The following SLC17A7 variants were observed in gnomAD, a reference collection of about 807,000 sequenced individuals.
The protein encoded by SLC17A7 is solute carrier family 17 member 7, also known as vesicular glutamate transporter 1.
In SLC17A7, 15 loss-of-function variants were observed where a neutral mutation model predicts 59.1. That is an observed-to-expected ratio of 0.25 (90% CI 0.17 to 0.39). SLC17A7 has a LOEUF of 0.39. Among genes scored for constraint, SLC17A7 ranks in the 10% least tolerant of loss-of-function variants. The pLI, the probability that SLC17A7 is intolerant of heterozygous loss-of-function variation, is 1.00. For missense variants in SLC17A7, 499 were observed against 765.1 expected (o/e 0.65, Z 4.10); for synonymous variants, 353 against 308.9 (o/e 1.14, Z -1.50).
Position 49,436,460 on chromosome 19 carries a change from C to G in SLC17A7, c.315+89G>C, listed in dbSNP as rs2078979859. 3 of 1,520,504 alleles carry G rather than the reference C, an allele frequency of 2.0e-6. No individual in the cohort carries two copies. Among genetic ancestry groups the G allele is most frequent in the Non-Finnish European group, 2.7e-6 (3 of 1,124,636 alleles). 94.2% of individuals were successfully genotyped at this position (1,520,504 alleles called of 1,614,324 possible). Reference sequence around the variant, plus strand: ...CGTTTCGGAAGGGGCGTGGCCTGGACGTCTGGTGGGTGAGTGTGACGTCAT... The same window carrying G: ...CGTTTCGGAAGGGGCGTGGCCTGGAGGTCTGGTGGGTGAGTGTGACGTCAT... On this transcript the variant is annotated intron_variant, in intron 2 of 11. Transcript: ENST00000221485. This position sits in a 1 kb window ranked among gnomAD's most constrained non-coding sequence, Gnocchi z 4.1.
intron 1 of SLC17A7, among the ~76,000 whole-genome samples, chr19:49,439,175 C>T (rs1320301): frequency 0.23 from 34,665 of 151,998 alleles, 4,389 homozygotes; most frequent in Non-Finnish European, 0.28. Context: ...CTCTGTCTCT[C>T]CCTCTCTCTC....
chr19:49,434,485 C>G (rs1422361485), intron 5 of SLC17A7, 117 bp downstream of exon 5: 1 of 1,009,034 alleles, frequency 9.9e-7, no homozygotes, highest in Non-Finnish European at 1.4e-6. Context: ...GAGTCTCCTC[C>G]TCCTCCCTCA....
Position 49,431,033 on chromosome 19 carries a change from C to G in SLC17A7, c.1371G>C (p.Gly457=), listed in dbSNP as rs776117731. 14 of 1,612,026 alleles carry G rather than the reference C, an allele frequency of 8.7e-6. No homozygotes were observed. Among genetic ancestry groups the G allele is most frequent in the Non-Finnish European group, 1.1e-5 (13 of 1,179,264 alleles). The change falls in exon 11 of 12, where the codon GGG becomes GGC. Residue 457 remains glycine, a synonymous_variant. Coordinates refer to ENST00000221485, the MANE Select transcript of SLC17A7 (RefSeq NM_020309.4). This position sits in a 1 kb window ranked among gnomAD's most constrained non-coding sequence, Gnocchi z 4.6. ...LSGMVCPIIV[G]AMTKHKTREE... is the part of the protein sequence containing the mutation. The stretch of plus-strand genomic sequence containing the variant: ...CACCCACCTTGTGCTTAGTCATGGC[C>G]CCCACGATGATGGGGCACACCATGC...
rs796067783 is a variant in SLC17A7, at chr19:49,436,337, C to A, written c.315+212G>T. On this transcript the variant is annotated intron_variant, in intron 2 of 11. Transcript: ENST00000221485. This position sits in a 1 kb window ranked among gnomAD's most constrained non-coding sequence, Gnocchi z 4.1. Reference sequence around the variant, plus strand: ...CAAGCCCCTGGAAATAAGGGCGGGACTTCATTTAGATCAGGACGGGGCTTA... The same window carrying A: ...CAAGCCCCTGGAAATAAGGGCGGGAATTCATTTAGATCAGGACGGGGCTTA... Among the ~76,000 whole-genome samples the A allele has an allele frequency of 1.3e-5, 2 of 152,134 alleles. No homozygotes were observed. The highest frequency in any genetic ancestry group is 4.8e-5 in the African/African-American group (2 of 41,402).
chr19:49,440,005 G>A (rs966419677), intron 1 of SLC17A7, among the ~76,000 whole-genome samples: 2 of 152,166 alleles, frequency 1.3e-5, no homozygotes, highest in African/African-American at 4.8e-5. Context: ...GAGAAAAAGG[G>A]TGGGGAGGGG....
chr19:49,432,058 A>C (rs1475338664), intron 9 of SLC17A7, among the ~76,000 whole-genome samples: 1 of 152,094 alleles, frequency 6.6e-6, no homozygotes, highest in Non-Finnish European at 1.5e-5. Flanking sequence ...TCTGGGCTCC[A>C]GCGATCCTCC....
chr19:49,432,450 AT>A, intron 9 of SLC17A7, 68 bp downstream of exon 9: 1 of 1,544,972 alleles, frequency 6.5e-7, no homozygotes, highest in Non-Finnish European at 8.8e-7. Context: ...ACCACTCCCC[AT>A]CACCTCTCAA....
At position 49,429,798 on chromosome 19, in the gene SLC17A7, C is replaced by G. The variant is rs553232067; in HGVS notation, c.*721G>C. ...AGCAGCCACTATTTAGACCTGAAAA[C>G]CATGTCAGAAAAAGTGCACGGGGGT... On this transcript the variant is annotated 3_prime_UTR_variant, in exon 12 of 12. Transcript: ENST00000221485. 28 of 382,942 alleles carry G rather than the reference C, an allele frequency of 7.3e-5. No individual in the cohort carries two copies. Among genetic ancestry groups the G allele is most frequent in the Non-Finnish European group, 1.1e-4 (25 of 218,552 alleles). The allele number at this position is 382,942 out of a possible 1,614,324, so 23.7% of individuals were successfully genotyped here.
chr19:49,436,474 G>T lies in SLC17A7; in HGVS notation c.315+75C>A, dbSNP rs546951877. The T allele has an allele frequency of 1.3e-6, 2 of 1,554,982 alleles. No individual in the cohort carries two copies. The highest frequency in any genetic ancestry group is 1.7e-6 in the Non-Finnish European group (2 of 1,150,264). On this transcript the variant is annotated intron_variant, in intron 2 of 11. Transcript: ENST00000221485. The surrounding 1 kb of genome is among the most constrained non-coding windows in gnomAD (Gnocchi z 4.1). ...CGTGGCCTGGACGTCTGGTGGGTGA[G>T]TGTGACGTCATGGGGGCGTAGGCGG...
In SLC17A7 at chr19:49,430,021, C is replaced by T. The variant is rs114962277; in HGVS notation, c.*498G>A. 1.1e-3 allele frequency: 177 copies of T among 163,696 alleles called. 1 individual carries two copies. Among genetic ancestry groups the T allele is most frequent in the African/African-American group, 3.8e-3 (161 of 42,036 alleles). 10.1% of individuals were successfully genotyped at this position (163,696 alleles called of 1,614,324 possible). A position where few individuals can be genotyped will look rare whatever the true frequency, so the allele number is the denominator to read the frequency against. On this transcript the variant is annotated 3_prime_UTR_variant, in exon 12 of 12. Coordinates refer to ENST00000221485, the MANE Select transcript of SLC17A7 (RefSeq NM_020309.4). ...TGGTGAGAATCAATCCCTGGAATGG[C>T]GGGGACGAGTAATTGGTTAAACCAA...
At chr19:49,439,749 G>A (rs894151336) in intron 1 of SLC17A7, among the ~76,000 whole-genome samples, 1 of 152,190 alleles carries the variant, frequency 6.6e-6, no homozygotes, top group Non-Finnish European at 1.5e-5. Flanking sequence ...CCCTGCTGAT[G>A]GTCCTGGCCA....
rs1401142340 is a variant in SLC17A7 at position 49,432,520 on chromosome 19, T to C, written c.1149A>G (p.Gly383=). The change falls in exon 9 of 12, where the codon GGA becomes GGG. Residue 383 remains glycine (G), a splice_region_variant and synonymous_variant. Transcript: ENST00000221485. ...CGGCCCAGGCCCCGCCCCACTCACC[T>C]CCGCAGTTCATCAACTTGCGCACGT... ...TTNVRKLMNC[G]GFGMEATLLL... The C allele has an allele frequency of 6.2e-7, 1 of 1,612,626 alleles. No homozygotes were observed. Among genetic ancestry groups the C allele is most frequent in the African/African-American group, 1.3e-5 (1 of 75,014 alleles).
chr19:49,440,609 T>G (rs1160968502), intron 1 of SLC17A7, among the ~76,000 whole-genome samples: 2 of 152,170 alleles, frequency 1.3e-5, no homozygotes, highest in East Asian at 3.8e-4. Flanking sequence ...GTGCTGTGAC[T>G]TCTTCCACCC....
chr19:49,433,613 GT>G lies in SLC17A7; in HGVS notation c.867+112del, dbSNP rs2078969082. ...CCTAGGTTCTAGCCCCTCTCTTTGC[GT>G]TCCAGTCCCGTCTCCTCTAGAGTCT... On this transcript the variant is annotated intron_variant, in intron 7 of 11. Coordinates refer to ENST00000221485, the MANE Select transcript of SLC17A7 (RefSeq NM_020309.4). This position sits in a 1 kb window ranked among gnomAD's most constrained non-coding sequence, Gnocchi z 5.7. 2.0e-6 allele frequency: 3 copies of G among 1,479,398 alleles called. No individual in the cohort carries two copies. In the South Asian group the frequency reaches 3.5e-5, roughly 17 times the overall value. 91.6% of individuals were successfully genotyped at this position (1,479,398 alleles called of 1,614,324 possible).
chr19:49,439,176 C>T (rs965346670), intron 1 of SLC17A7, among the ~76,000 whole-genome samples: 3 of 151,002 alleles, frequency 2.0e-5, no homozygotes, highest in African/African-American at 4.9e-5. Context: ...TCTGTCTCTC[C>T]CTCTCTCTCT....
intron 1 of SLC17A7, among the ~76,000 whole-genome samples, chr19:49,439,176 CCTCT>C (rs147236454): frequency 1.3e-5 from 2 of 151,104 alleles, no homozygotes; most frequent in East Asian, 1.9e-4. Context: ...TCTGTCTCTC[CCTCT>C]CTCTCTCTCT....
chr19:49,432,745 G>T, intron 8 of SLC17A7, 66 bp downstream of exon 8: 2 of 1,598,700 alleles, frequency 1.3e-6, no homozygotes, highest in Non-Finnish European at 1.7e-6. Flanking sequence ...CCCTGCCTCG[G>T]GATCGCCGCC....
Position 49,433,039 on chromosome 19 carries a change from T to A in SLC17A7, c.868-79A>T. On this transcript the variant is annotated intron_variant, in intron 7 of 11. Transcript: ENST00000221485. The surrounding 1 kb of genome is among the most constrained non-coding windows in gnomAD (Gnocchi z 5.7). The stretch of plus-strand genomic sequence containing the variant: ...CCGCGTCCCTTCAGGGACCACAGTG[T>A]AGTTCTGCAGAAACCAAAGGATCCC... 1 of 1,427,464 alleles carries A rather than the reference T, an allele frequency of 7.0e-7. No individual in the cohort carries two copies. Among genetic ancestry groups the A allele is most frequent in the Non-Finnish European group, 9.6e-7 (1 of 1,042,576 alleles). The allele number at this position is 1,427,464 out of a possible 1,614,324, so 88.4% of individuals were successfully genotyped here.
At position 49,436,509 on chromosome 19, in the gene SLC17A7, A is replaced by G. The variant is rs770415566; in HGVS notation, c.315+40T>C. The G allele has an allele frequency of 1.9e-6, 3 of 1,595,216 alleles. No individual in the cohort carries two copies. The highest frequency in any genetic ancestry group is 2.2e-5 in the South Asian group (2 of 90,584). The stretch of plus-strand genomic sequence containing the variant: ...ATGGGGGCGTAGGCGGAGCTCGGTG[A>G]GCGGGGCGGGGCTCTGCAAGGGCTC... On this transcript the variant is annotated intron_variant, in intron 2 of 11. Coordinates refer to ENST00000221485, the MANE Select transcript of SLC17A7 (RefSeq NM_020309.4). This position sits in a 1 kb window ranked among gnomAD's most constrained non-coding sequence, Gnocchi z 4.1.
Sources: gnomAD v4.1 joint callset for allele counts (sites outside exome capture counted in the v4.1 genomes callset) on GRCh38, gnomAD v4.1.1 for gene constraint, Gnocchi (gnomAD v3.1) non-coding constraint, MANE v1.5 for transcripts, NCBI Gene and HGNC (gene_info 2026-07-23, HGNC 2026-07-21) for gene names.